MDGA2: variants seen among roughly 807,000 people sequenced by gnomAD.
MDGA2 encodes MAM domain-containing glycosylphosphatidylinositol anchor protein 2.
A neutral mutation model predicts 117.8 loss-of-function variants in MDGA2; 40 were observed. The observed-to-expected ratio is 0.34, with a 90% CI of 0.26 to 0.44. The LOEUF (loss-of-function observed/expected upper bound fraction) is 0.44. Ranked by LOEUF, MDGA2 falls within the 20% of genes least tolerant of loss-of-function variation. MDGA2 has a pLI of 1.00. For synonymous variants in MDGA2, 452 were observed against 439.0 expected (o/e 1.03, Z -0.37); for missense variants, 1,123 against 1,250.6 (o/e 0.90, Z 1.54).
chr14:47,042,611 G>A (rs1469033538), intron 7 of MDGA2, among the ~76,000 whole-genome samples: 8 of 151,990 alleles, frequency 5.3e-5, no homozygotes, highest in Admixed American at 2.0e-4. Flanking sequence ...GGATATACTC[G>A]GATTTTGAAG....
intron 5 of MDGA2, among the ~76,000 whole-genome samples, chr14:47,116,309 C>T (rs572040469): frequency 6.6e-6 from 1 of 152,076 alleles, no homozygotes; most frequent in East Asian, 1.9e-4. Context: ...GATTGGAAGA[C>T]TTAATATTGT....
At chr14:46,845,989 G>T in intron 15 of MDGA2, 118 bp from the exon 16 acceptor site, 2 of 700,796 alleles carry the variant, frequency 2.9e-6, no homozygotes, top group South Asian at 1.8e-5. Flanking sequence ...TTTTATATTT[G>T]ATGGCTTTCA....
intron 8 of MDGA2, among the ~76,000 whole-genome samples, chr14:47,019,793 G>A (rs968197153): frequency 6.7e-6 from 1 of 148,310 alleles, no homozygotes; most frequent in South Asian, 2.1e-4. Flanking sequence ...GCAGTGAGCC[G>A]AGATTGCACC....
chr14:47,585,405 G>C (rs1310729243), intron 1 of MDGA2, among the ~76,000 whole-genome samples: 1 of 151,848 alleles, frequency 6.6e-6, no homozygotes, highest in Non-Finnish European at 1.5e-5. Context: ...AAAAACTTGA[G>C]CAAATTACTG....
intron 1 of MDGA2, among the ~76,000 whole-genome samples, chr14:47,417,038 C>T (rs1156403663): frequency 4.6e-5 from 7 of 152,134 alleles, no homozygotes; most frequent in African/African-American, 1.7e-4. Context: ...ATGATAAAAG[C>T]TATTGTGATG....
chr14:47,091,533 C>T (rs1879655706), intron 6 of MDGA2, among the ~76,000 whole-genome samples: 1 of 151,984 alleles, frequency 6.6e-6, no homozygotes, highest in Admixed American at 6.6e-5. Flanking sequence ...AGCAGAAAGA[C>T]CAATGCGTCT....
At chr14:47,625,104 T>C (rs1897117178) in intron 1 of MDGA2, among the ~76,000 whole-genome samples, 1 of 152,288 alleles carries the variant, frequency 6.6e-6, no homozygotes, top group African/African-American at 2.4e-5. Context: ...CCCTAGATTG[T>C]ATAGGTAGTA....
intron 1 of MDGA2, among the ~76,000 whole-genome samples, chr14:47,620,994 T>C (rs1010452924): frequency 6.6e-6 from 1 of 152,216 alleles, no homozygotes; most frequent in Non-Finnish European, 1.5e-5. Flanking sequence ...TTACCTGTAA[T>C]ATACTTCAAC....
intron 10 of MDGA2, among the ~76,000 whole-genome samples, chr14:46,909,753 A>T (rs1323238645): frequency 6.6e-6 from 1 of 152,154 alleles, no homozygotes; most frequent in Non-Finnish European, 1.5e-5. Context: ...GCATAAACAC[A>T]TATATCTTCA....
chr14:47,025,156 G>T (rs1483009987), intron 8 of MDGA2, among the ~76,000 whole-genome samples: 1 of 152,108 alleles, frequency 6.6e-6, no homozygotes, highest in African/African-American at 2.4e-5. Flanking sequence ...GTTTAGTTTG[G>T]CAGATGAAAA....
chr14:46,927,838 C>T lies in MDGA2; in HGVS notation c.2090-7678G>A, dbSNP rs182252468. 2.8e-3 allele frequency among the ~76,000 whole-genome samples: 431 copies of T among 152,264 alleles called. 3 individuals are homozygous for T. The highest frequency in any genetic ancestry group is 7.3e-3 in the Admixed American group (112 of 15,286). On this transcript the variant is annotated intron_variant, in intron 9 of 16. Transcript: ENST00000399232. ...ATCCCTTACTTGAATTCATTTTCTT[C>T]TGCTCGAGGCAGAGCTGTACACATC...
intron 2 of MDGA2, among the ~76,000 whole-genome samples, chr14:47,236,852 C>G (rs1886881980): frequency 1.3e-5 from 2 of 152,248 alleles, no homozygotes; most frequent in Admixed American, 6.5e-5. Flanking sequence ...AAAGAAAAGT[C>G]TCCATGAAAA....
chr14:47,203,576 T>C (rs1885583041), intron 3 of MDGA2, among the ~76,000 whole-genome samples: 1 of 151,738 alleles, frequency 6.6e-6, no homozygotes, highest in Admixed American at 6.6e-5. Flanking sequence ...GGTAGTGGAG[T>C]TTTGGTGTGA....
chr14:47,225,578 C>T (rs919981210), intron 2 of MDGA2, among the ~76,000 whole-genome samples: 9 of 150,610 alleles, frequency 6.0e-5, no homozygotes, highest in Admixed American at 1.3e-4. Context: ...AACCAAACAC[C>T]GCATGTTCTC....
chr14:46,985,237 G>A (rs1475370330), intron 8 of MDGA2, among the ~76,000 whole-genome samples: 3 of 151,988 alleles, frequency 2.0e-5, no homozygotes, highest in Non-Finnish European at 2.9e-5. Flanking sequence ...GAAATAACGT[G>A]AAAGTGACTA....
chr14:46,902,978 G>T (rs558206957), intron 10 of MDGA2, among the ~76,000 whole-genome samples: 10 of 142,218 alleles, frequency 7.0e-5, no homozygotes, highest in Non-Finnish European at 1.1e-4. Context: ...TCTCCCACCG[G>T]CCTACACACT....
intron 3 of MDGA2, among the ~76,000 whole-genome samples, chr14:47,147,640 T>G (rs910363141): frequency 2.0e-5 from 3 of 152,164 alleles, no homozygotes; most frequent in Non-Finnish European, 4.4e-5. Context: ...GTTAATACTC[T>G]CAGCAGCGGG....
chr14:47,277,032 G>A (rs2416036), intron 2 of MDGA2, among the ~76,000 whole-genome samples: 6,882 of 152,196 alleles, frequency 0.045, 184 homozygotes, highest in African/African-American at 0.067. Flanking sequence ...TGACCACGGC[G>A]GACAGGGCAG....
chr14:47,457,308 G>GT (rs1222900402), intron 1 of MDGA2, among the ~76,000 whole-genome samples: 1 of 152,108 alleles, frequency 6.6e-6, no homozygotes, highest in East Asian at 1.9e-4. Flanking sequence ...ATGCAGATTT[G>GT]TTAGACAGGT....
Sources: gnomAD v4.1 joint callset for allele counts (sites outside exome capture counted in the v4.1 genomes callset) on GRCh38, gnomAD v4.1.1 for gene constraint, MANE v1.5 for transcripts, NCBI Gene and HGNC (gene_info 2026-07-23, HGNC 2026-07-21) for gene names.